The following MTHFSD variants were observed in gnomAD, a reference collection of about 807,000 sequenced individuals.
MTHFSD encodes methenyltetrahydrofolate synthetase domain containing.
MTHFSD carries 37 observed loss-of-function variants against 31.1 expected under a neutral mutation model. The ratio of observed to expected loss-of-function variants is 1.19; its 90% CI spans 0.91 to 1.56. The LOEUF (loss-of-function observed/expected upper bound fraction) is 1.56. Among genes scored for constraint, MTHFSD ranks in the 40% most tolerant of loss-of-function variants. MTHFSD has a pLI of 0.00. For missense variants in MTHFSD, 664 were observed against 510.1 expected (o/e 1.30, Z -2.91); for synonymous variants, 221 against 206.9 (o/e 1.07, Z -0.59).
chr16:86,552,104 A>G lies in MTHFSD; in HGVS notation c.166T>C (p.Phe56Leu). Reference protein sequence around the residue: ...ACQNIKDLDVFARTQEVKVDP... With the variant: ...ACQNIKDLDVLARTQEVKVDP... ...ACTTTAACTTCCTGTGTTCTGGCAA[A>G]AACGTCTAGGTCTTTGATGTTTTGG... Residue 56 changes from phenylalanine (F) to leucine (L), a missense_variant, in exon 3 of 8, where the codon TTT becomes CTT. Phe to Leu is a conservative substitution (Grantham distance 22). Transcript: ENST00000360900. 8.1e-6 allele frequency: 13 copies of G among 1,614,174 alleles called. No individual in the cohort carries two copies. Among genetic ancestry groups the G allele is most frequent in the Non-Finnish European group, 1.1e-5 (13 of 1,180,032 alleles).
intron 7 of MTHFSD, among the ~76,000 whole-genome samples, chr16:86,540,510 G>A (rs1971347921): frequency 6.6e-6 from 1 of 152,274 alleles, no homozygotes; most frequent in South Asian, 2.1e-4. Context: ...CCCCTAATAC[G>A]GCTGCAATGG....
intron 5 of MTHFSD, among the ~76,000 whole-genome samples, chr16:86,546,112 G>A (rs1368231597): frequency 6.6e-6 from 1 of 152,244 alleles, no homozygotes; most frequent in East Asian, 1.9e-4. Flanking sequence ...CAGGAGTCTC[G>A]GACACACCAC....
chr16:86,531,737 CAG>C lies in MTHFSD; in HGVS notation c.*272_*273del, dbSNP rs1370437614. 3.5e-5 allele frequency: 11 copies of C among 311,666 alleles called. No individual in the cohort carries two copies. Among genetic ancestry groups the C allele is most frequent in the African/African-American group, 2.1e-4 (10 of 46,608 alleles). 19.3% of individuals were successfully genotyped at this position (311,666 alleles called of 1,614,324 possible). On this transcript the variant is annotated 3_prime_UTR_variant, in exon 8 of 8. Transcript: ENST00000360900. This position sits in a 1 kb window ranked among gnomAD's most constrained non-coding sequence, Gnocchi z 5.5. ...CCCTGGCCCCTCTGCTCTGTCCCTC[CAG>C]AGAAACAGAAACCGACTCAAGGCCC... is the stretch of plus-strand genomic sequence containing the variant.
intron 7 of MTHFSD, among the ~76,000 whole-genome samples, chr16:86,538,114 C>G (rs1372009844): frequency 6.6e-6 from 1 of 152,254 alleles, no homozygotes. Context: ...CTCCTGAGCC[C>G]TCAGTCTCCC....
chr16:86,535,753 A>G (rs1408871296), intron 7 of MTHFSD, among the ~76,000 whole-genome samples: 2 of 152,224 alleles, frequency 1.3e-5, no homozygotes, highest in African/African-American at 4.8e-5. Flanking sequence ...AGGCAGCTAC[A>G]TGCTGCTCTT....
chr16:86,542,159 AC>A lies in MTHFSD; in HGVS notation c.496del (p.Val166TyrfsTer67). The A allele has an allele frequency of 6.2e-7, 1 of 1,613,936 alleles. No individual in the cohort carries two copies. The highest frequency in any genetic ancestry group is 8.5e-7 in the Non-Finnish European group (1 of 1,180,034). On this transcript the variant is annotated frameshift_variant, in exon 6 of 8. Coordinates refer to ENST00000360900, the MANE Select transcript of MTHFSD (RefSeq NM_001159377.2). LOFTEE classifies it high-confidence loss of function. The surrounding 1 kb of genome is among the most constrained non-coding windows in gnomAD (Gnocchi z 4.6). The stretch of plus-strand genomic sequence containing the variant: ...CTCCTTGCTGACGGCGCCCATGGAT[AC>A]CATCATGGCATATTCCAGATCGGCG... ...GYADLEYAMMVSMGAVSKETP... is the reference protein window; with the variant it reads ...GYADLEYAMMXSMGAVSKETP...
chr16:86,551,558 G>A (rs1051936569), intron 3 of MTHFSD, among the ~76,000 whole-genome samples: 1 of 152,212 alleles, frequency 6.6e-6, no homozygotes, highest in African/African-American at 2.4e-5. Context: ...CAGCAGTGTT[G>A]AGAAGAAACC....
intron 1 of MTHFSD, 56 bp downstream of exon 1, chr16:86,555,113 G>C: frequency 6.5e-7 from 1 of 1,527,638 alleles, no homozygotes; most frequent in Non-Finnish European, 8.8e-7. Flanking sequence ...ACCCTCACCG[G>C]TCCCGGCTGT....
intron 3 of MTHFSD, among the ~76,000 whole-genome samples, chr16:86,551,567 C>G (rs1973146083): frequency 6.6e-6 from 1 of 152,178 alleles, no homozygotes; most frequent in Admixed American, 6.5e-5. Flanking sequence ...TGAGAAGAAA[C>G]CTTTCCAGTT....
At chr16:86,533,658 A>C (rs1048524) in intron 7 of MTHFSD, 83,941 of 151,960 alleles carry the variant, frequency 0.55, 24,059 homozygotes, top group Non-Finnish European at 0.65. Flanking sequence ...GCAGGGTGAG[A>C]GAGGAGCCTT....
Position 86,541,727 on chromosome 16 carries a change from G to A in MTHFSD, c.651C>T (p.Arg217=). 6.2e-7 allele frequency: 1 copy of A among 1,613,944 alleles called. No homozygotes were observed. Among genetic ancestry groups the A allele is most frequent in the Middle Eastern group, 1.6e-4 (1 of 6,062 alleles). The change falls in exon 7 of 8, where the codon CGC becomes CGT. Residue 217 remains arginine (R), a synonymous_variant. Transcript: ENST00000360900. ...ACCAGGTGATTCCCATTGGCTTTGGGCGCTTGCAGCCTGTGGCGATGACTC... is the reference window on the plus strand; with the variant it reads ...ACCAGGTGATTCCCATTGGCTTTGGACGCTTGCAGCCTGTGGCGATGACTC... The part of the protein sequence containing the change: ...PTRVIATGCK[R]PKPMGITWFK...
intron 3 of MTHFSD, among the ~76,000 whole-genome samples, chr16:86,549,473 G>A (rs1161523054): frequency 6.6e-6 from 1 of 152,228 alleles, no homozygotes; most frequent in African/African-American, 2.4e-5. Context: ...AACCACAAGA[G>A]TGAAGTACTT....
chr16:86,537,049 C>T (rs1473422552), intron 7 of MTHFSD, among the ~76,000 whole-genome samples: 1 of 152,198 alleles, frequency 6.6e-6, no homozygotes, highest in Non-Finnish European at 1.5e-5. Context: ...AGATAGCTAC[C>T]TTGCTGCTGT....
At chr16:86,552,421 G>T in intron 2 of MTHFSD, 1 of 742,614 alleles carries the variant, frequency 1.3e-6, no homozygotes, top group Non-Finnish European at 2.1e-6. Flanking sequence ...ATCTAAGGAA[G>T]CAGTCTAAGT....
chr16:86,533,518 T>C (rs1970255936), intron 7 of MTHFSD: 1 of 152,238 alleles, frequency 6.6e-6, no homozygotes, highest in South Asian at 2.1e-4. Context: ...AGTGAATATG[T>C]CGCAGTACAG....
intron 5 of MTHFSD, among the ~76,000 whole-genome samples, chr16:86,546,006 G>A (rs748677910): frequency 6.6e-6 from 1 of 152,264 alleles, no homozygotes; most frequent in Non-Finnish European, 1.5e-5. Flanking sequence ...CTCTTAGCAA[G>A]GGCCCCCTGG....
chr16:86,548,855 A>C (rs1972717124), intron 3 of MTHFSD, among the ~76,000 whole-genome samples: 1 of 152,246 alleles, frequency 6.6e-6, no homozygotes, highest in Admixed American at 6.5e-5. Flanking sequence ...AAATTGTTAC[A>C]GGTAAAAACT....
chr16:86,554,247 C>T (rs960882865), intron 2 of MTHFSD, among the ~76,000 whole-genome samples: 3 of 152,190 alleles, frequency 2.0e-5, no homozygotes, highest in African/African-American at 2.4e-5. Flanking sequence ...CTCCTGAAGC[C>T]AGCAAAGACC....
At chr16:86,536,364 G>A (rs914392261) in intron 7 of MTHFSD, among the ~76,000 whole-genome samples, 1 of 152,188 alleles carries the variant, frequency 6.6e-6, no homozygotes, top group African/African-American at 2.4e-5. Flanking sequence ...AAACATAAAC[G>A]CCAGGCAGGC....
Sources: allele counts gnomAD v4.1 joint callset (sites outside exome capture counted in the v4.1 genomes callset), GRCh38; gene constraint gnomAD v4.1.1; non-coding constraint Gnocchi (gnomAD v3.1); transcripts MANE v1.5; gene names NCBI Gene and HGNC (gene_info 2026-07-23, HGNC 2026-07-21).